Variants in PCDHA4 observed in about 807,000 individuals in gnomAD.
PCDHA4 encodes the protein protocadherin alpha-4.
PCDHA4 carries 49 observed loss-of-function variants against 61.4 expected under a neutral mutation model. The ratio of observed to expected loss-of-function variants is 0.80; its 90% CI spans 0.63 to 1.01. PCDHA4 has a LOEUF of 1.01. Ranked by LOEUF, PCDHA4 falls within the 50% of genes least tolerant of loss-of-function variation. PCDHA4 has a pLI of 0.00. For missense variants in PCDHA4, 1,254 were observed against 1,235.8 expected, an observed-to-expected ratio of 1.01 and a Z score of -0.22; for synonymous variants, 590 against 550.3, an observed-to-expected ratio of 1.07 and a Z score of -1.01.
intron 1 of PCDHA4, chr5:140,869,555 G>C (rs2051240207): frequency 6.2e-7 from 1 of 1,614,054 alleles, no homozygotes; most frequent in Non-Finnish European, 8.5e-7. Flanking sequence ...TCGGACTCGC[G>C]TTTTCCACTA....
Position 140,850,922 on chromosome 5 carries a change from A to G in PCDHA4, c.2385+41350A>G, listed in dbSNP as rs1228404686. 21 of 1,525,242 alleles carry G rather than the reference A, an allele frequency of 1.4e-5. 3 individuals are homozygous for G. Among genetic ancestry groups the G allele is most frequent in the Non-Finnish European group, 1.9e-5 (21 of 1,134,594 alleles). The allele number at this position is 1,525,242 out of a possible 1,614,324, so 94.5% of individuals were successfully genotyped here. A position where few individuals can be genotyped will look rare whatever the true frequency, so the allele number is the denominator to read the frequency against. ...TTTCTAGCATTTTATTTATTTATATAATTTTTTTTCTTGAAAGATATTATC... is the reference window on the plus strand; with the variant it reads ...TTTCTAGCATTTTATTTATTTATATGATTTTTTTTCTTGAAAGATATTATC... On this transcript the variant is annotated intron_variant, in intron 1 of 3. Transcript: ENST00000530339.
rs186566632 is a variant in PCDHA4, at chr5:140,947,652, T to C, written c.2386-31297T>C. 6.7e-3 allele frequency among the ~76,000 whole-genome samples: 1,010 copies of C among 151,752 alleles called. 2 individuals are homozygous for C. Among genetic ancestry groups the C allele is most frequent in the Non-Finnish European group, 0.01 (702 of 67,572 alleles). On this transcript the variant is annotated intron_variant, in intron 1 of 3. Transcript: ENST00000530339. ...ATCAGATCGTATGAACATATATACCTCCATTTACTTGGGTCTTTAAAAAAT... is the reference window on the plus strand; with the variant it reads ...ATCAGATCGTATGAACATATATACCCCCATTTACTTGGGTCTTTAAAAAAT...
At chr5:140,865,421 T>C (rs2048870756) in intron 1 of PCDHA4, 1 of 152,208 alleles carries the variant, frequency 6.6e-6, no homozygotes, top group Non-Finnish European at 1.5e-5. Context: ...TAGTAGTGTC[T>C]ACCTAGAAAA....
chr5:140,857,419 C>G, intron 1 of PCDHA4: 3 of 1,598,332 alleles, frequency 1.9e-6, no homozygotes, highest in Non-Finnish European at 2.6e-6. Context: ...TCGCGCAGTC[C>G]GAGTACACGG....
rs561529051 is a variant in PCDHA4 at position 140,929,034 on chromosome 5, C to G, written c.2386-49915C>G. On this transcript the variant is annotated intron_variant, in intron 1 of 3. Transcript: ENST00000530339. ...AGTTGCACCAGAGCCCAGGCTGTTGCGCTCAGAGCTGCTGTCGCTCTACAG... is the reference window on the plus strand; with the variant it reads ...AGTTGCACCAGAGCCCAGGCTGTTGGGCTCAGAGCTGCTGTCGCTCTACAG... 2.8e-5 allele frequency: 46 copies of G among 1,614,040 alleles called. No homozygotes were observed. The South Asian group carries it at 4.8e-4, about 17-fold the overall frequency.
At chr5:140,868,887 GGC>G in intron 1 of PCDHA4, 1 of 740,170 alleles carries the variant, frequency 1.4e-6, no homozygotes, top group Non-Finnish European at 2.1e-6. Context: ...CACAGTTTTA[GGC>G]GCAAGGTGTC....
intron 2 of PCDHA4, among the ~76,000 whole-genome samples, chr5:140,981,353 C>G (rs551731316): frequency 6.6e-6 from 1 of 152,048 alleles, no homozygotes; most frequent in East Asian, 1.9e-4. Context: ...GCAGGTGGAT[C>G]ACTTGAGGTC....
intron 1 of PCDHA4, among the ~76,000 whole-genome samples, chr5:140,938,703 T>A: frequency 6.6e-6 from 1 of 152,170 alleles, no homozygotes; most frequent in East Asian, 1.9e-4. Flanking sequence ...AAATATATGT[T>A]TATGATAGAA....
chr5:140,877,118 T>C, intron 1 of PCDHA4: 1 of 1,613,690 alleles, frequency 6.2e-7, no homozygotes, highest in South Asian at 1.1e-5. Flanking sequence ...GGCAGCAACG[T>C]GACGCTGCAG....
chr5:140,884,515 G>GCCTCTGATAAGCACAA, intron 1 of PCDHA4: 1 of 1,614,174 alleles, frequency 6.2e-7, no homozygotes. Flanking sequence ...GGAGTTGGTC[G>GCCTCTGATAAGCACAA]TACTCGCAGC....
intron 1 of PCDHA4, chr5:140,968,754 G>T: frequency 1.2e-6 from 2 of 1,614,170 alleles, no homozygotes; most frequent in Non-Finnish European, 1.7e-6. Flanking sequence ...GTGGTGGTCC[G>T]AGATAATGGA....
intron 1 of PCDHA4, among the ~76,000 whole-genome samples, chr5:140,922,935 G>A (rs1484457119): frequency 6.6e-6 from 1 of 152,130 alleles, no homozygotes; most frequent in Non-Finnish European, 1.5e-5. Flanking sequence ...TTTACTTCCA[G>A]CAATGGAAAT....
intron 1 of PCDHA4, among the ~76,000 whole-genome samples, chr5:140,969,689 G>C (rs2096353737): frequency 6.6e-6 from 1 of 152,136 alleles, no homozygotes; most frequent in Admixed American, 6.5e-5. Context: ...AGGAGAAATG[G>C]CCTCTGCTGT....
At position 140,840,851 on chromosome 5, in the gene PCDHA4, A is replaced by G. The variant is rs2150309706; in HGVS notation, c.2385+31279A>G. On this transcript the variant is annotated intron_variant, in intron 1 of 3. Coordinates refer to ENST00000530339, the MANE Select transcript of PCDHA4 (RefSeq NM_018907.4). ...AAATAAATATTAATGCATTTCTTCC[A>G]CACGAAACTATGGAGGACAGTTTAC... is the stretch of plus-strand genomic sequence containing the variant. Among the ~76,000 whole-genome samples the G allele has an allele frequency of 2.2e-4, 34 of 152,166 alleles. 1 individual carries two copies. The highest frequency in any genetic ancestry group is 1.5e-5 in the Non-Finnish European group (1 of 68,006).
chr5:141,001,278 C>T (rs182360019), intron 3 of PCDHA4, among the ~76,000 whole-genome samples: 500 of 152,168 alleles, frequency 3.3e-3, no homozygotes, highest in Admixed American at 5.6e-3. Context: ...ACTTTTTTTA[C>T]GGATGAAAAC....
intron 1 of PCDHA4, among the ~76,000 whole-genome samples, chr5:140,937,259 G>A (rs1306999153): frequency 1.3e-5 from 2 of 151,850 alleles, no homozygotes; most frequent in East Asian, 3.9e-4. Context: ...GGATGGTCTC[G>A]ATCTCCTGAC....
At chr5:140,936,266 A>G (rs1407459228) in intron 1 of PCDHA4, among the ~76,000 whole-genome samples, 1 of 152,182 alleles carries the variant, frequency 6.6e-6, no homozygotes, top group African/African-American at 2.4e-5. Context: ...TCATGAAGAT[A>G]TATTCCTGTG....
In PCDHA4 at chr5:140,877,704, C is replaced by T. The variant is rs116613760; in HGVS notation, c.2385+68132C>T. 1.6e-3 allele frequency: 2,639 copies of T among 1,613,952 alleles called. 39 individuals are homozygous for T. The African/African-American group carries it at 0.027, about 17-fold the overall frequency. On this transcript the variant is annotated intron_variant, in intron 1 of 3. Coordinates refer to ENST00000530339, the MANE Select transcript of PCDHA4 (RefSeq NM_018907.4). ...AGCCCACGCTGGTGTGCTCCAGCGC[C>T]GTGGGGAGTTGGTCTTACTCGCAGC...
rs142047105 is a variant in PCDHA4, at chr5:140,842,697, A to T, written c.2385+33125A>T. 6.3e-6 allele frequency: 10 copies of T among 1,595,144 alleles called. 2 individuals are homozygous for T. The highest frequency in any genetic ancestry group is 8.6e-6 in the Non-Finnish European group (10 of 1,165,510). On this transcript the variant is annotated intron_variant, in intron 1 of 3. Transcript: ENST00000530339. ...AATGCTCCGGCGTTCGCGCAGCCCG[A>T]GTACACGGTGTTCGTGAAGGAGAAC... is the stretch of plus-strand genomic sequence containing the variant.
Sources: gnomAD v4.1 joint callset for allele counts (sites outside exome capture counted in the v4.1 genomes callset) on GRCh38, gnomAD v4.1.1 for gene constraint, MANE v1.5 for transcripts, NCBI Gene and HGNC (gene_info 2026-07-23, HGNC 2026-07-21) for gene names.